ANO2: variants seen among roughly 807,000 people sequenced by gnomAD.
ANO2 encodes anoctamin 2.
In ANO2, 101 loss-of-function variants were observed where a neutral mutation model predicts 124.2. The observed-to-expected ratio is 0.81, with a 90% CI of 0.69 to 0.96. ANO2 has a LOEUF of 0.96. Among genes scored for constraint, ANO2 ranks in the 40% least tolerant of loss-of-function variants. The probability of loss-of-function intolerance (pLI) is 0.00; values close to 1 mark genes in which losing one functional copy is unlikely to be tolerated. For synonymous variants in ANO2, 486 were observed against 482.5 expected (o/e 1.01, Z -0.09); for missense variants, 1,293 against 1,274.5 (o/e 1.01, Z -0.22).
intron 3 of ANO2, among the ~76,000 whole-genome samples, chr12:5,902,157 G>A (rs750735209): frequency 2.0e-5 from 3 of 152,156 alleles, no homozygotes; most frequent in African/African-American, 7.2e-5. Context: ...ACCTCACTTC[G>A]AACAAACTTG....
intron 16 of ANO2, among the ~76,000 whole-genome samples, chr12:5,626,492 G>T (rs1184028196): frequency 6.6e-6 from 1 of 152,172 alleles, no homozygotes. Context: ...CCATCAGAGG[G>T]GTGGGGCTAG....
At chr12:5,705,465 C>T (rs753985814) in intron 14 of ANO2, among the ~76,000 whole-genome samples, 14 of 152,206 alleles carry the variant, frequency 9.2e-5, no homozygotes, top group Non-Finnish European at 2.9e-5. Context: ...ACCAGGATCA[C>T]GTGAATCTAT....
rs147485645 is a variant in ANO2, at chr12:5,739,548, G to A, written c.1352-149C>T. 595 of 594,308 alleles carry A rather than the reference G, an allele frequency of 1.0e-3. 6 individuals are homozygous for A. In the African/African-American group the frequency reaches 0.01, roughly 10 times the overall value. 36.8% of individuals were successfully genotyped at this position (594,308 alleles called of 1,614,324 possible). On this transcript the variant is annotated intron_variant, in intron 12 of 24. Transcript: ENST00000682330. ...TTTAGCCTCTTTTTCCCACTTCTAG[G>A]TGAAACTGCTAGAAATACTCCACAT...
intron 16 of ANO2, among the ~76,000 whole-genome samples, chr12:5,623,579 C>T (rs1452008393): frequency 3.3e-5 from 5 of 152,154 alleles, no homozygotes; most frequent in Non-Finnish European, 7.3e-5. Context: ...AGCTTCATCC[C>T]AGGGGGCCAG....
At chr12:5,851,792 G>A (rs1301734328) in intron 4 of ANO2, among the ~76,000 whole-genome samples, 1 of 151,954 alleles carries the variant, frequency 6.6e-6, no homozygotes, top group African/African-American at 2.4e-5. Context: ...GAAGAGAGAA[G>A]AGAAGGAAAA....
chr12:5,930,480 C>A (rs911737142), intron 1 of ANO2, among the ~76,000 whole-genome samples: 62 of 151,998 alleles, frequency 4.1e-4, no homozygotes, highest in African/African-American at 1.4e-3. Context: ...CAGGAAAGAC[C>A]CTGTATGTCA....
intron 3 of ANO2, among the ~76,000 whole-genome samples, chr12:5,865,409 T>C (rs1175663420): frequency 1.3e-5 from 2 of 151,292 alleles, no homozygotes; most frequent in Non-Finnish European, 2.9e-5. Context: ...ATTCACACCA[T>C]CATGAATTCA....
intron 1 of ANO2, among the ~76,000 whole-genome samples, chr12:5,938,804 G>A (rs191754376): frequency 2.0e-5 from 3 of 151,158 alleles, no homozygotes; most frequent in East Asian, 2.0e-4. Context: ...CAGCCTGGGC[G>A]ACAAGAGCAA....
At chr12:5,728,459 G>A (rs1166581619) in intron 14 of ANO2, among the ~76,000 whole-genome samples, 1 of 151,970 alleles carries the variant, frequency 6.6e-6, no homozygotes, top group African/African-American at 2.4e-5. Context: ...TACAAGACTT[G>A]TACACTGAAA....
intron 14 of ANO2, among the ~76,000 whole-genome samples, chr12:5,677,973 C>T (rs981548568): frequency 6.6e-6 from 1 of 152,004 alleles, no homozygotes; most frequent in African/African-American, 2.4e-5. Context: ...GCAGTTTGGA[C>T]AAGATAAGCA....
intron 14 of ANO2, among the ~76,000 whole-genome samples, chr12:5,693,081 T>C (rs1472844246): frequency 1.3e-5 from 2 of 152,084 alleles, no homozygotes; most frequent in African/African-American, 4.8e-5. Flanking sequence ...CAAACAGACA[T>C]AGGGTTCATT....
In ANO2 at chr12:5,802,177, C is replaced by T. The variant is rs1433901164; in HGVS notation, c.991-2606G>A. Among the ~76,000 whole-genome samples the T allele has an allele frequency of 2.6e-5, 4 of 152,216 alleles. No individual in the cohort carries two copies. In the South Asian group the frequency reaches 6.2e-4, roughly 24 times the overall value. ...CTCAACGGAGAGCTGACCTCAGAAGCCTTTTCCCTGGTTGAATCCCAGATC... is the reference window on the plus strand; with the variant it reads ...CTCAACGGAGAGCTGACCTCAGAAGTCTTTTCCCTGGTTGAATCCCAGATC... On this transcript the variant is annotated intron_variant, in intron 9 of 24. Coordinates refer to ENST00000682330, the MANE Select transcript of ANO2 (RefSeq NM_001364791.2).
At chr12:5,643,509 C>T (rs1306958730) in intron 15 of ANO2, among the ~76,000 whole-genome samples, 5 of 152,116 alleles carry the variant, frequency 3.3e-5, no homozygotes, top group Non-Finnish European at 1.5e-5. Context: ...CTTCCATAGA[C>T]GTTCTTGTAC....
chr12:5,928,438 C>T (rs564857418), intron 1 of ANO2, among the ~76,000 whole-genome samples: 1 of 98,998 alleles, frequency 1.0e-5, no homozygotes, highest in African/African-American at 3.1e-5. Flanking sequence ...CACTAGTCTA[C>T]TTTCCTTCCT....
At chr12:5,704,354 T>C (rs1043162099) in intron 14 of ANO2, among the ~76,000 whole-genome samples, 2 of 152,164 alleles carry the variant, frequency 1.3e-5, no homozygotes, top group African/African-American at 4.8e-5. Context: ...ACAGGTCACA[T>C]ACCCACCATG....
chr12:5,773,341 A>G (rs775762708), intron 10 of ANO2, among the ~76,000 whole-genome samples: 10 of 152,210 alleles, frequency 6.6e-5, no homozygotes, highest in Non-Finnish European at 1.3e-4. Flanking sequence ...AAAAGGGGTC[A>G]GGGGAGTTAG....
chr12:5,725,439 G>A lies in ANO2; in HGVS notation c.1545+7081C>T, dbSNP rs1052261909. Among the ~76,000 whole-genome samples, 16 of 152,236 alleles carry A rather than the reference G, an allele frequency of 1.1e-4. 1 individual carries two copies. The South Asian group carries it at 2.3e-3, about 22-fold the overall frequency. On this transcript the variant is annotated intron_variant, in intron 14 of 24. Transcript: ENST00000682330. ...ACATAGACTTATTGCCTGGACTTTC[G>A]TGCCAGCGCTTTGCCGGTTGCTTTC...
At chr12:5,732,918 T>C (rs746797355) in intron 13 of ANO2, 3 of 1,613,396 alleles carry the variant, frequency 1.9e-6, no homozygotes, top group Non-Finnish European at 2.5e-6. Flanking sequence ...GAGGAAATGT[T>C]AACTGGATGG....
At chr12:5,928,471 A>T (rs1214623402) in intron 1 of ANO2, among the ~76,000 whole-genome samples, 5 of 144,038 alleles carry the variant, frequency 3.5e-5, no homozygotes, top group African/African-American at 1.3e-4. Flanking sequence ...TTCCTTCGTC[A>T]CTAGTCTACT....
Sources: gnomAD v4.1 joint callset for allele counts (sites outside exome capture counted in the v4.1 genomes callset) on GRCh38, gnomAD v4.1.1 for gene constraint, MANE v1.5 for transcripts, NCBI Gene and HGNC (gene_info 2026-07-23, HGNC 2026-07-21) for gene names.